Variants in DNAAF5 observed in about 807,000 individuals in gnomAD.
The protein encoded by DNAAF5 is HEAT repeat containing 2.
Under a neutral mutation model 75.8 loss-of-function variants are expected in DNAAF5, and 64 were observed. That is an observed-to-expected ratio of 0.84 (90% CI 0.69 to 1.04). The LOEUF (loss-of-function observed/expected upper bound fraction) is 1.04, where lower values mean the gene tolerates loss of function less well. Ranked by LOEUF, DNAAF5 falls within the 50% of genes least tolerant of loss-of-function variation. The probability of loss-of-function intolerance (pLI) is 0.00; values close to 1 mark genes in which losing one functional copy is unlikely to be tolerated. For missense variants in DNAAF5, 1,269 were observed against 1,178.5 expected (o/e 1.08, Z -1.12); for synonymous variants, 657 against 557.2 (o/e 1.18, Z -2.52).
In DNAAF5 at chr7:741,077, G is replaced by A. The variant is rs1268277508; in HGVS notation, c.905+134G>A. On this transcript the variant is annotated intron_variant, in intron 3 of 12. Coordinates refer to ENST00000297440, the MANE Select transcript of DNAAF5 (RefSeq NM_017802.4). Reference sequence around the variant, plus strand: ...TCCCTGTGCTCCGAAGGGATGTGCCGTACAGAAGTCGTCTCGTTTTGTAAA... The same window carrying A: ...TCCCTGTGCTCCGAAGGGATGTGCCATACAGAAGTCGTCTCGTTTTGTAAA... 2.3e-5 allele frequency: 25 copies of A among 1,093,308 alleles called. No homozygotes were observed. In the East Asian group the frequency reaches 2.4e-4, roughly 11 times the overall value. 67.7% of individuals were successfully genotyped at this position (1,093,308 alleles called of 1,614,324 possible). A position where few individuals can be genotyped will look rare whatever the true frequency, so the allele number is the denominator to read the frequency against.
At chr7:747,670 CAGTGTGTCCGGCT>C (rs1782167457) in intron 4 of DNAAF5, among the ~76,000 whole-genome samples, 4 of 122,538 alleles carry the variant, frequency 3.3e-5, no homozygotes, top group African/African-American at 1.3e-4. Flanking sequence ...TTGCTGGTTT[CAGTGTGTCCGGCT>C]GGTGTGCAGT....
chr7:764,658 A>G (rs1782766281), intron 8 of DNAAF5, among the ~76,000 whole-genome samples: 1 of 152,200 alleles, frequency 6.6e-6, no homozygotes, highest in Admixed American at 6.5e-5. Flanking sequence ...TGAGGATGCT[A>G]AGATCGTTCT....
At chr7:757,534 G>A (rs564206959) in intron 6 of DNAAF5, among the ~76,000 whole-genome samples, 41 of 152,264 alleles carry the variant, frequency 2.7e-4, no homozygotes, top group South Asian at 6.2e-4. Context: ...GTTCCGATCT[G>A]TGCTTCTCAC....
intron 12 of DNAAF5, among the ~76,000 whole-genome samples, chr7:782,780 C>T (rs570536597): frequency 1.3e-5 from 2 of 149,600 alleles, no homozygotes; most frequent in South Asian, 4.3e-4. Context: ...GCGTGGCCGC[C>T]TCCCGTCACG....
In DNAAF5 at chr7:772,135, A is replaced by C. The variant is rs1778589272; in HGVS notation, c.1931+1517A>C. 3 of 152,272 alleles carry C rather than the reference A, an allele frequency of 2.0e-5. No individual in the cohort carries two copies. In the South Asian group the frequency reaches 6.2e-4, roughly 32 times the overall value. The allele number at this position is 152,272 out of a possible 1,614,324, so 9.4% of individuals were successfully genotyped here. On this transcript the variant is annotated intron_variant, in intron 9 of 12. Coordinates refer to ENST00000297440, the MANE Select transcript of DNAAF5 (RefSeq NM_017802.4). ...GGTCCCTGCTGTGCGGGTGCCCAAG[A>C]GGGCTGAGGGCTGCGTCTGCCATGG...
At chr7:776,209 G>A (rs189359996) in intron 11 of DNAAF5, among the ~76,000 whole-genome samples, 7 of 152,102 alleles carry the variant, frequency 4.6e-5, no homozygotes, top group Admixed American at 2.0e-4. Flanking sequence ...GGTGGTGCGC[G>A]CCTGTAGTTC....
chr7:729,873 C>A, intron 2 of DNAAF5, 26 bp downstream of exon 2: 2 of 1,609,932 alleles, frequency 1.2e-6, no homozygotes, highest in South Asian at 1.1e-5. Flanking sequence ...CCTGGACAGT[C>A]TGTTCCTCTC....
At position 775,071 on chromosome 7, in the gene DNAAF5, G is replaced by T. The variant is rs753587295; in HGVS notation, c.2148G>T (p.Met716Ile). The part of the protein sequence containing the change: ...VLTTLEEDSK[M>I]TRLISCRIIN... Reference sequence around the variant, plus strand: ...CCACCCTGGAGGAGGATTCGAAGATGACGCGACTGATCTCATGCCGTATTA... The same window carrying T: ...CCACCCTGGAGGAGGATTCGAAGATTACGCGACTGATCTCATGCCGTATTA... The change falls in exon 11 of 13, where the codon ATG (methionine) becomes ATT (isoleucine). Residue 716 changes from methionine (M) to isoleucine (I), a missense_variant. Transcript: ENST00000297440. 4.3e-6 allele frequency: 7 copies of T among 1,614,002 alleles called. No individual in the cohort carries two copies. The Admixed American group carries it at 5.0e-5, about 12-fold the overall frequency.
At chr7:777,226 C>G (rs1452441947) in intron 11 of DNAAF5, among the ~76,000 whole-genome samples, 2 of 152,134 alleles carry the variant, frequency 1.3e-5, no homozygotes, top group African/African-American at 4.8e-5. Flanking sequence ...ACCCCCTGGT[C>G]CATGGAAAAT....
At position 754,911 on chromosome 7, in the gene DNAAF5, G is replaced by A; in HGVS notation, c.1257+90G>A. 2.9e-6 allele frequency: 3 copies of A among 1,019,210 alleles called. No individual in the cohort carries two copies. The highest frequency in any genetic ancestry group is 2.5e-5 in the Admixed American group (1 of 39,358). 63.1% of individuals were successfully genotyped at this position (1,019,210 alleles called of 1,614,324 possible). On this transcript the variant is annotated intron_variant, in intron 5 of 12. Coordinates refer to ENST00000297440, the MANE Select transcript of DNAAF5 (RefSeq NM_017802.4). This position sits in a 1 kb window ranked among gnomAD's most constrained non-coding sequence, Gnocchi z 4.8. ...GGTGTGCGGGGCCCGAGGCTGTACTGTAGCCAAGACAGCGTTCCCCTCACC... is the reference window on the plus strand; with the variant it reads ...GGTGTGCGGGGCCCGAGGCTGTACTATAGCCAAGACAGCGTTCCCCTCACC...
chr7:758,578 T>A (rs1782555903), intron 6 of DNAAF5, among the ~76,000 whole-genome samples: 1 of 152,242 alleles, frequency 6.6e-6, no homozygotes, highest in South Asian at 2.1e-4. Flanking sequence ...ACTCCTTTCT[T>A]GTTTTTATTT....
intron 4 of DNAAF5, among the ~76,000 whole-genome samples, chr7:746,989 C>T (rs1036486358): frequency 6.6e-6 from 1 of 152,362 alleles, no homozygotes; most frequent in South Asian, 2.1e-4. Context: ...TCCTTCTTCG[C>T]GTGAGTCACG....
rs549003441 is a variant in DNAAF5, at chr7:774,725, C to A, written c.2083-281C>A. Among the ~76,000 whole-genome samples the A allele has an allele frequency of 3.3e-5, 5 of 152,318 alleles. No individual in the cohort carries two copies. The South Asian group carries it at 8.3e-4, about 25-fold the overall frequency. ...CGGGGTGGTGCGGTCGGTGCTCCAG[C>A]CGAAAGCCCCACGTCCTTGGGGCCC... On this transcript the variant is annotated intron_variant, in intron 10 of 12. Coordinates refer to ENST00000297440, the MANE Select transcript of DNAAF5 (RefSeq NM_017802.4).
In DNAAF5 at chr7:776,041, A is replaced by T. The variant is rs372979987; in HGVS notation, c.2239+879A>T. On this transcript the variant is annotated intron_variant, in intron 11 of 12. Transcript: ENST00000297440. The stretch of plus-strand genomic sequence containing the variant: ...GTTTGATGGTGGCTTGTTTTATAGA[A>T]AAAAAGCAGAAAACGTGGCCGGGCA... Among the ~76,000 whole-genome samples the T allele has an allele frequency of 1.3e-5, 2 of 152,312 alleles. 1 individual carries two copies. The highest frequency in any genetic ancestry group is 2.9e-5 in the Non-Finnish European group (2 of 68,032).
At chr7:761,933 G>A (rs753442854) in intron 7 of DNAAF5, 37 bp downstream of exon 7, 25 of 1,546,056 alleles carry the variant, frequency 1.6e-5, no homozygotes, top group Middle Eastern at 2.1e-4. Context: ...TTGACCTAGC[G>A]GAGCTCACAG....
At chr7:730,326 C>G (rs1179665452) in intron 2 of DNAAF5, among the ~76,000 whole-genome samples, 2 of 152,048 alleles carry the variant, frequency 1.3e-5, no homozygotes, top group African/African-American at 2.4e-5. Context: ...GGCTTTACTG[C>G]TGGCAGAATC....
chr7:757,628 G>A (rs1188279346), intron 6 of DNAAF5, among the ~76,000 whole-genome samples: 2 of 152,270 alleles, frequency 1.3e-5, no homozygotes, highest in Admixed American at 6.5e-5. Context: ...GGAACAGCCT[G>A]GGTAGTTGGG....
chr7:741,291 C>A (rs1040571651), intron 3 of DNAAF5, 56 bp from the exon 4 acceptor site: 6 of 1,326,684 alleles, frequency 4.5e-6, no homozygotes, highest in Middle Eastern at 2.6e-4. Context: ...CGCAGCCCTG[C>A]GGCCTCCCCT....
chr7:774,382 G>A (rs543012524), intron 10 of DNAAF5, among the ~76,000 whole-genome samples, 184 bp downstream of exon 10: 1 of 152,226 alleles, frequency 6.6e-6, no homozygotes, highest in Non-Finnish European at 1.5e-5. Context: ...GCCGGGCTGC[G>A]GTTCAGACAG....
Sources: gnomAD v4.1 joint callset for allele counts (sites outside exome capture counted in the v4.1 genomes callset) on GRCh38, gnomAD v4.1.1 for gene constraint, Gnocchi (gnomAD v3.1) non-coding constraint, MANE v1.5 for transcripts, NCBI Gene and HGNC (gene_info 2026-07-23, HGNC 2026-07-21) for gene names.